Variants in CEP128 observed in about 807,000 individuals in gnomAD.
CEP128 encodes centrosomal protein 128kDa.
CEP128 carries 132 observed loss-of-function variants against 156.7 expected under a neutral mutation model. The observed-to-expected ratio is 0.84, with a 90% CI of 0.73 to 0.97. CEP128 has a LOEUF of 0.97. Ranked by LOEUF, CEP128 falls within the 50% of genes least tolerant of loss-of-function variation. CEP128 has a pLI of 0.00. For synonymous variants in CEP128, 469 were observed against 448.9 expected (o/e 1.04, Z -0.57); for missense variants, 1,252 against 1,281.9 (o/e 0.98, Z 0.36).
chr14:80,547,701 G>A (rs966858232), intron 21 of CEP128, among the ~76,000 whole-genome samples: 1 of 152,064 alleles, frequency 6.6e-6, no homozygotes, highest in African/African-American at 2.4e-5. Flanking sequence ...ACTAGGGTAA[G>A]TTGTTTGATA....
rs370617884 is a variant in CEP128, at chr14:80,894,390, C to T, written c.645+1328G>A. ...GTAAATCAGGCAATAGCACAGATTT[C>T]GTACTGTGTGAACTACTGCAATTAA... is the stretch of plus-strand genomic sequence containing the variant. On this transcript the variant is annotated intron_variant, in intron 8 of 24. Transcript: ENST00000555265. Among the ~76,000 whole-genome samples, 9 of 152,000 alleles carry T rather than the reference C, an allele frequency of 5.9e-5. No individual in the cohort carries two copies. In the East Asian group the frequency reaches 1.2e-3, roughly 20 times the overall value.
At chr14:80,736,189 C>T (rs1898520133) in intron 19 of CEP128, among the ~76,000 whole-genome samples, 1 of 150,484 alleles carries the variant, frequency 6.6e-6, no homozygotes. Context: ...ATATTTGCAA[C>T]AACAAATAGT....
intron 21 of CEP128, among the ~76,000 whole-genome samples, chr14:80,537,831 A>G (rs2140299475): frequency 6.6e-6 from 1 of 152,292 alleles, no homozygotes; most frequent in Non-Finnish European, 1.5e-5. Context: ...AACCAGCTGA[A>G]TGATGAACAG....
intron 19 of CEP128, among the ~76,000 whole-genome samples, chr14:80,720,031 ATCCCT>A (rs907625857): frequency 6.6e-6 from 1 of 152,168 alleles, no homozygotes; most frequent in African/African-American, 2.4e-5. Flanking sequence ...ATGGAGCAAG[ATCCCT>A]CCGAGGAGGT....
intron 19 of CEP128, among the ~76,000 whole-genome samples, chr14:80,701,884 T>C (rs150078469): frequency 7.2e-5 from 11 of 152,314 alleles, no homozygotes; most frequent in African/African-American, 2.2e-4. Flanking sequence ...GCAGCCACGA[T>C]GCCTTTGCAT....
intron 13 of CEP128, among the ~76,000 whole-genome samples, chr14:80,814,394 A>C (rs937262093): frequency 3.3e-5 from 5 of 152,042 alleles, no homozygotes; most frequent in African/African-American, 1.2e-4. Flanking sequence ...CTTCTGTTAC[A>C]CTATTTCTCT....
At chr14:80,646,154 A>G (rs140502361) in intron 19 of CEP128, among the ~76,000 whole-genome samples, 2,872 of 152,254 alleles carry the variant, frequency 0.019, 38 homozygotes, top group Non-Finnish European at 0.027. Context: ...GTCAAAACCT[A>G]CAGAACGTAA....
At chr14:80,529,896 G>C (rs1476359777) in intron 22 of CEP128, among the ~76,000 whole-genome samples, 1 of 152,184 alleles carries the variant, frequency 6.6e-6, no homozygotes, top group Non-Finnish European at 1.5e-5. Context: ...GATGCTTAAT[G>C]CAAGGTAATT....
chr14:80,706,603 G>A (rs1897247670), intron 19 of CEP128, among the ~76,000 whole-genome samples: 1 of 152,084 alleles, frequency 6.6e-6, no homozygotes, highest in African/African-American at 2.4e-5. Flanking sequence ...GTATTCAAAA[G>A]TTTAATTATG....
chr14:80,838,529 G>A (rs753961344), intron 10 of CEP128, among the ~76,000 whole-genome samples: 2 of 152,072 alleles, frequency 1.3e-5, no homozygotes, highest in Non-Finnish European at 2.9e-5. Flanking sequence ...TCTCAACTGT[G>A]AGCCAGTCCA....
chr14:80,543,106 C>T (rs537317164), intron 21 of CEP128, among the ~76,000 whole-genome samples: 76 of 152,202 alleles, frequency 5.0e-4, no homozygotes, highest in African/African-American at 1.5e-3. Context: ...AACAGAAATC[C>T]GGCAAGGTAT....
chr14:80,792,801 G>C lies in CEP128; in HGVS notation c.1519C>G (p.Gln507Glu). The C allele has an allele frequency of 1.9e-6, 3 of 1,614,094 alleles. No individual in the cohort carries two copies. The highest frequency in any genetic ancestry group is 2.5e-6 in the Non-Finnish European group (3 of 1,179,994). The stretch of plus-strand genomic sequence containing the variant: ...GTCAGTTCATCAACAGTTTCAGATT[G>C]TTTCTCCAACGCTCGTTCTAACTTC... ...HKKLERALEK[Q>E]SETVDELTGK... is the part of the protein sequence containing the mutation. Residue 507 changes from glutamine (Q) to glutamate (E), a missense_variant, in exon 14 of 25, where the codon CAA becomes GAA. By Grantham distance (29) the Gln-to-Glu change is conservative. Transcript: ENST00000555265.
chr14:80,798,027 C>T (rs1400675883), intron 13 of CEP128, among the ~76,000 whole-genome samples: 1 of 152,094 alleles, frequency 6.6e-6, no homozygotes, highest in Non-Finnish European at 1.5e-5. Context: ...TTTCATATCA[C>T]TTAATTAAGT....
chr14:80,547,447 A>C (rs924147434), intron 21 of CEP128, among the ~76,000 whole-genome samples: 1 of 152,176 alleles, frequency 6.6e-6, no homozygotes, highest in Non-Finnish European at 1.5e-5. Context: ...CTGTGTTGCT[A>C]ATCAGGACAT....
rs1002484569 is a variant in CEP128 at position 80,717,090 on chromosome 14, T to C, written c.2806+25985A>G. Among the ~76,000 whole-genome samples the C allele has an allele frequency of 5.9e-5, 9 of 152,124 alleles. No individual in the cohort carries two copies. The South Asian group carries it at 8.3e-4, about 14-fold the overall frequency. Reference sequence around the variant, plus strand: ...GTTGTTTGTCATTTCATTATTGAGTTACAGGGGCAAAGCAAAGCACCTTAG... The same window carrying C: ...GTTGTTTGTCATTTCATTATTGAGTCACAGGGGCAAAGCAAAGCACCTTAG... On this transcript the variant is annotated intron_variant, in intron 19 of 24. Transcript: ENST00000555265.
chr14:80,756,693 A>G (rs1421600326), intron 18 of CEP128, among the ~76,000 whole-genome samples, 199 bp downstream of exon 18: 1 of 152,118 alleles, frequency 6.6e-6, no homozygotes, highest in Non-Finnish European at 1.5e-5. Flanking sequence ...CTCTCTTTCT[A>G]GGCCTACATA....
At chr14:80,588,444 G>C (rs1891910050) in intron 19 of CEP128, among the ~76,000 whole-genome samples, 1 of 152,008 alleles carries the variant, frequency 6.6e-6, no homozygotes. Flanking sequence ...ATTTGGCCTA[G>C]TATGTTGATA....
chr14:80,802,651 C>T (rs1051037435), intron 13 of CEP128, among the ~76,000 whole-genome samples: 3 of 151,544 alleles, frequency 2.0e-5, no homozygotes, highest in African/African-American at 4.9e-5. Context: ...CACATGTATC[C>T]CGTTTTTTTT....
intron 8 of CEP128, chr14:80,894,521 T>A (rs1889252290): frequency 2.3e-6 from 1 of 428,560 alleles, no homozygotes; most frequent in African/African-American, 2.1e-5. Context: ...GTGCCCTTGG[T>A]ACATCCGAAA....
Sources: allele counts gnomAD v4.1 joint callset (sites outside exome capture counted in the v4.1 genomes callset), GRCh38; gene constraint gnomAD v4.1.1; transcripts MANE v1.5; gene names NCBI Gene and HGNC (gene_info 2026-07-23, HGNC 2026-07-21).